CBX5: variants seen among roughly 807,000 people sequenced by gnomAD.
CBX5 encodes the protein chromobox protein homolog 5.
Under a neutral mutation model 20.7 loss-of-function variants are expected in CBX5, and 7 were observed. The observed-to-expected ratio is 0.34, with a 90% CI of 0.19 to 0.63. The LOEUF (loss-of-function observed/expected upper bound fraction) is 0.63, where lower values mean the gene tolerates loss of function less well. CBX5 is among the 30% of genes least tolerant of loss of function. The pLI is 0.75. For synonymous variants in CBX5, 78 were observed against 77.0 expected (o/e 1.01, Z -0.07); for missense variants, 110 against 224.1 (o/e 0.49, Z 3.25).
intron 2 of CBX5, chr12:54,252,432 A>T: frequency 2.2e-6 from 1 of 455,270 alleles, no homozygotes; most frequent in Non-Finnish European, 3.8e-6. Context: ...CTTATTTACA[A>T]TTGTTTACAG....
rs1943679777 is a variant in CBX5, at chr12:54,241,890, T to C, written c.441A>G (p.Glu147=). The change falls in exon 5 of 5, where the codon GAA becomes GAG. Residue 147 remains glutamate (E), a synonymous_variant. Transcript: ENST00000209875. ...MFLMKWKDTD[E]ADLVLAKEAN... Reference sequence around the variant, plus strand: ...CTTCTTTTGCAAGAACCAGGTCAGCTTCATCTGTGTCTTTCCTGGAGAGAA... The same window carrying C: ...CTTCTTTTGCAAGAACCAGGTCAGCCTCATCTGTGTCTTTCCTGGAGAGAA... 1.9e-6 allele frequency: 3 copies of C among 1,613,276 alleles called. No individual in the cohort carries two copies. Among genetic ancestry groups the C allele is most frequent in the South Asian group, 1.1e-5 (1 of 90,944 alleles).
At chr12:54,276,764 A>G (rs367647697) in intron 1 of CBX5, 4 of 152,360 alleles carry the variant, frequency 2.6e-5, no homozygotes, top group African/African-American at 9.6e-5. Flanking sequence ...AGACAAAAGA[A>G]TATCAGAGTA....
chr12:54,233,391 C>T lies in CBX5; in HGVS notation c.*8364G>A, dbSNP rs1023193759. On this transcript the variant is annotated 3_prime_UTR_variant, in exon 5 of 5. Coordinates refer to ENST00000209875, the MANE Select transcript of CBX5 (RefSeq NM_012117.3). Reference sequence around the variant, plus strand: ...GAGGAGGTGAGGGGTGAGGGTGACACGAGACAAACACCAAACTCACCACCA... The same window carrying T: ...GAGGAGGTGAGGGGTGAGGGTGACATGAGACAAACACCAAACTCACCACCA... 3 of 152,092 alleles carry T rather than the reference C, an allele frequency of 2.0e-5. No individual in the cohort carries two copies. Among genetic ancestry groups the T allele is most frequent in the Non-Finnish European group, 2.9e-5 (2 of 68,022 alleles). 9.4% of individuals were successfully genotyped at this position (152,092 alleles called of 1,614,324 possible). A position where few individuals can be genotyped will look rare whatever the true frequency, so the allele number is the denominator to read the frequency against.
At position 54,241,845 on chromosome 12, in the gene CBX5, T is replaced by C; in HGVS notation, c.486A>G (p.Gln162=). The C allele has an allele frequency of 1.9e-6, 3 of 1,613,986 alleles. No individual in the cohort carries two copies. In the South Asian group the frequency reaches 3.3e-5, roughly 18 times the overall value. The part of the protein sequence containing the change: ...LAKEANVKCP[Q]IVIAFYEERL... Reference sequence around the variant, plus strand: ...TCTCTTCATAAAATGCTATCACAATTTGTGGACATTTCACATTAGCTTCTT... The same window carrying C: ...TCTCTTCATAAAATGCTATCACAATCTGTGGACATTTCACATTAGCTTCTT... The change falls in exon 5 of 5, where the codon CAA becomes CAG. Residue 162 remains glutamine (Q), a synonymous_variant. Coordinates refer to ENST00000209875, the MANE Select transcript of CBX5 (RefSeq NM_012117.3).
chr12:54,274,806 G>A (rs1944044773), intron 1 of CBX5, among the ~76,000 whole-genome samples: 1 of 152,088 alleles, frequency 6.6e-6, no homozygotes, highest in African/African-American at 2.4e-5. Context: ...CAGGCATGGT[G>A]GCACGTGCCT....
intron 3 of CBX5, among the ~76,000 whole-genome samples, chr12:54,250,593 C>T (rs1943785620): frequency 7.4e-6 from 1 of 135,890 alleles, no homozygotes; most frequent in Non-Finnish European, 1.6e-5. Flanking sequence ...ATCATGAGGT[C>T]AGGAGATCGA....
intron 1 of CBX5, among the ~76,000 whole-genome samples, chr12:54,269,435 C>T (rs1348534256): frequency 2.6e-5 from 4 of 152,084 alleles, no homozygotes; most frequent in Non-Finnish European, 5.9e-5. Flanking sequence ...GTTGCCCAGG[C>T]TGGAGTGCGG....
At chr12:54,267,274 A>T (rs1943965693) in intron 1 of CBX5, among the ~76,000 whole-genome samples, 1 of 152,236 alleles carries the variant, frequency 6.6e-6, no homozygotes, top group Non-Finnish European at 1.5e-5. Context: ...TTGGCAGATC[A>T]TGTTCACAAA....
chr12:54,243,706 T>C (rs1943703080), intron 4 of CBX5, among the ~76,000 whole-genome samples: 2 of 151,952 alleles, frequency 1.3e-5, no homozygotes. Flanking sequence ...CTGTCTCTAC[T>C]AAAAATATAA....
At position 54,246,200 on chromosome 12, in the gene CBX5, C is replaced by T. The variant is rs1943733880; in HGVS notation, c.340G>A (p.Ala114Thr). The change falls in exon 4 of 5, where the codon GCT (alanine) becomes ACT (threonine). Residue 114 changes from alanine (A) to threonine (T), a missense_variant. This residue lies in a region of CBX5 where 21 missense variants were observed against 18.6 expected (regional missense o/e 1.13). Transcript: ENST00000209875. The stretch of plus-strand genomic sequence containing the variant: ...TCCAGTCCTCTCTCAAAGCCCCGAG[C>T]GATATCATTGCTCTGCTATAAATAG... ...KKKREQSNDI[A>T]RGFERGLEPE... 1.2e-6 allele frequency: 2 copies of T among 1,611,860 alleles called. No homozygotes were observed. The highest frequency in any genetic ancestry group is 1.3e-5 in the African/African-American group (1 of 74,844).
Position 54,264,800 on chromosome 12 carries a change from G to A in CBX5, c.-42-7108C>T, listed in dbSNP as rs530971702. On this transcript the variant is annotated intron_variant, in intron 1 of 4. Coordinates refer to ENST00000209875, the MANE Select transcript of CBX5 (RefSeq NM_012117.3). ...AGAGGTTGCAGTGAGCCAAGATTGC[G>A]CCACTGCACTCTAGCCTGGGAGACA... 2.0e-3 allele frequency among the ~76,000 whole-genome samples: 306 copies of A among 151,734 alleles called. 1 individual carries two copies. Among genetic ancestry groups the A allele is most frequent in the African/African-American group, 7.0e-3 (291 of 41,316 alleles).
chr12:54,248,392 A>C (rs1943759389), intron 3 of CBX5, among the ~76,000 whole-genome samples: 1 of 152,242 alleles, frequency 6.6e-6, no homozygotes, highest in African/African-American at 2.4e-5. Flanking sequence ...AAATGAACTA[A>C]ATCTCTACTG....
intron 1 of CBX5, among the ~76,000 whole-genome samples, chr12:54,268,991 G>A (rs962060785): frequency 1.2e-4 from 19 of 152,194 alleles, no homozygotes; most frequent in African/African-American, 3.1e-4. Flanking sequence ...GGCCAGGCAC[G>A]GTGGCTCACG....
In CBX5 at chr12:54,266,311, T is replaced by C. The variant is rs1356354893; in HGVS notation, c.-42-8619A>G. On this transcript the variant is annotated intron_variant, in intron 1 of 4. Coordinates refer to ENST00000209875, the MANE Select transcript of CBX5 (RefSeq NM_012117.3). Reference sequence around the variant, plus strand: ...TACTCAGGAGGCTGAGGCAGGAGAATTGCTGGAACCTGGGAAGTAGAGGTT... The same window carrying C: ...TACTCAGGAGGCTGAGGCAGGAGAACTGCTGGAACCTGGGAAGTAGAGGTT... 3.4e-5 allele frequency among the ~76,000 whole-genome samples: 5 copies of C among 146,160 alleles called. No individual in the cohort carries two copies. The South Asian group carries it at 1.1e-3, about 32-fold the overall frequency.
In CBX5 at chr12:54,237,716, C is replaced by T; in HGVS notation, c.*4039G>A. ...TCAAACATGCAAGTCCAGGGCTTTT[C>T]TCATCCTGCCTTCCCATCACCTGAC... On this transcript the variant is annotated 3_prime_UTR_variant, in exon 5 of 5. Coordinates refer to ENST00000209875, the MANE Select transcript of CBX5 (RefSeq NM_012117.3). 6.0e-6 allele frequency: 1 copy of T among 167,138 alleles called. No homozygotes were observed. Among genetic ancestry groups the T allele is most frequent in the Non-Finnish European group, 1.3e-5 (1 of 75,492 alleles). 10.4% of individuals were successfully genotyped at this position (167,138 alleles called of 1,614,324 possible).
intron 3 of CBX5, among the ~76,000 whole-genome samples, chr12:54,247,993 AC>A (rs1183987572): frequency 1.3e-5 from 2 of 152,046 alleles, no homozygotes; most frequent in Admixed American, 6.6e-5. Flanking sequence ...GGTGCGTGCC[AC>A]CGCACCTGGC....
intron 3 of CBX5, among the ~76,000 whole-genome samples, chr12:54,250,329 T>C (rs1943782153): frequency 6.6e-6 from 1 of 152,162 alleles, no homozygotes; most frequent in African/African-American, 2.4e-5. Flanking sequence ...GAGAATCACT[T>C]GAACCCAGGA....
chr12:54,278,823 T>A (rs1944096631), intron 1 of CBX5: 1 of 152,184 alleles, frequency 6.6e-6, no homozygotes, highest in Non-Finnish European at 1.5e-5. Flanking sequence ...CAAAGTCAGA[T>A]ATCCTCAAAG....
Position 54,234,504 on chromosome 12 carries a change from C to T in CBX5, c.*7251G>A, listed in dbSNP as rs564215119. The stretch of plus-strand genomic sequence containing the variant: ...AGAGAATGCCAAGATAAAAAGTTCA[C>T]TGCATTCAATTTGGCCTAATTTCTT... On this transcript the variant is annotated 3_prime_UTR_variant, in exon 5 of 5. Coordinates refer to ENST00000209875, the MANE Select transcript of CBX5 (RefSeq NM_012117.3). 6.6e-6 allele frequency: 1 copy of T among 152,348 alleles called. No individual in the cohort carries two copies. Among genetic ancestry groups the T allele is most frequent in the South Asian group, 2.1e-4 (1 of 4,828 alleles). The allele number at this position is 152,348 out of a possible 1,614,324, so 9.4% of individuals were successfully genotyped here. A position where few individuals can be genotyped will look rare whatever the true frequency, so the allele number is the denominator to read the frequency against.
Sources: allele counts gnomAD v4.1 joint callset (sites outside exome capture counted in the v4.1 genomes callset), GRCh38; gene constraint gnomAD v4.1.1; regional missense constraint gnomAD v4.1.1; transcripts MANE v1.5; gene names NCBI Gene and HGNC (gene_info 2026-07-23, HGNC 2026-07-21).